Variants in PTPN2 observed in about 807,000 individuals in gnomAD.
The protein encoded by PTPN2 is tyrosine-protein phosphatase non-receptor type 2.
Under a neutral mutation model 57.3 loss-of-function variants are expected in PTPN2, and 19 were observed. That is an observed-to-expected ratio of 0.33 (90% CI 0.23 to 0.49). PTPN2 has a LOEUF of 0.49. Ranked by LOEUF, PTPN2 falls within the 20% of genes least tolerant of loss-of-function variation. The pLI, the probability that PTPN2 is intolerant of heterozygous loss-of-function variation, is 0.99. For missense variants in PTPN2, 358 were observed against 501.1 expected (o/e 0.71, Z 2.73); for synonymous variants, 153 against 164.9 (o/e 0.93, Z 0.55).
intron 2 of PTPN2, among the ~76,000 whole-genome samples, chr18:12,846,666 T>C (rs1308995230): frequency 6.6e-6 from 1 of 152,184 alleles, no homozygotes; most frequent in Middle Eastern, 3.2e-3. Flanking sequence ...AGCTCTATTC[T>C]CCTCCTAGTG....
At chr18:12,812,778 A>C (rs1231710685) in intron 7 of PTPN2, among the ~76,000 whole-genome samples, 9 of 152,184 alleles carry the variant, frequency 5.9e-5, no homozygotes, top group African/African-American at 2.2e-4. Flanking sequence ...TCTGATCCTG[A>C]GTACCTGAAG....
At chr18:12,874,099 CCT>C (rs1398747966) in intron 1 of PTPN2, among the ~76,000 whole-genome samples, 1 of 152,066 alleles carries the variant, frequency 6.6e-6, no homozygotes, top group East Asian at 1.9e-4. Context: ...CGGCAGCCAC[CCT>C]GTCTGGGAAG....
intron 2 of PTPN2, among the ~76,000 whole-genome samples, chr18:12,855,118 A>T (rs952065486): frequency 1.3e-5 from 2 of 152,212 alleles, no homozygotes; most frequent in African/African-American, 4.8e-5. Context: ...ATTGCATTTG[A>T]CAACTACAGC....
chr18:12,802,290 G>T, intron 7 of PTPN2, 139 bp from the exon 8 acceptor site: 1 of 694,310 alleles, frequency 1.4e-6, no homozygotes, highest in South Asian at 2.2e-5. Flanking sequence ...AAAAGAAAAA[G>T]GCATTTTGCC....
intron 4 of PTPN2, among the ~76,000 whole-genome samples, chr18:12,829,021 C>T (rs1256873136): frequency 2.0e-5 from 3 of 152,180 alleles, no homozygotes; most frequent in Non-Finnish European, 4.4e-5. Flanking sequence ...CCTCAGTACC[C>T]CAGGTAGCTG....
intron 4 of PTPN2, among the ~76,000 whole-genome samples, chr18:12,827,360 AT>A (rs1313263504): frequency 6.8e-5 from 10 of 146,416 alleles, no homozygotes; most frequent in South Asian, 2.1e-4. Context: ...AAAAAAAATA[AT>A]AATAATAATA....
intron 2 of PTPN2, among the ~76,000 whole-genome samples, chr18:12,854,360 GAAA>G (rs11460042): frequency 8.4e-6 from 1 of 119,268 alleles, no homozygotes; most frequent in South Asian, 3.2e-4. Flanking sequence ...ACCCTGTCTT[GAAA>G]AAAAAAAAAA....
chr18:12,873,293 C>A (rs186410266), intron 1 of PTPN2, among the ~76,000 whole-genome samples: 16 of 147,802 alleles, frequency 1.1e-4, no homozygotes, highest in African/African-American at 3.8e-4. Context: ...CGTCTCCCCA[C>A]GGTCTCCCTC....
chr18:12,860,054 C>T (rs1598865191), intron 1 of PTPN2, among the ~76,000 whole-genome samples: 1 of 151,730 alleles, frequency 6.6e-6, no homozygotes, highest in Non-Finnish European at 1.5e-5. Flanking sequence ...TTTGGGAGGC[C>T]GAGGCGGGGA....
chr18:12,883,119 C>CG (rs35144771), intron 1 of PTPN2, among the ~76,000 whole-genome samples: 1 of 152,172 alleles, frequency 6.6e-6, no homozygotes, highest in Non-Finnish European at 1.5e-5. Context: ...ACCGTGCCCC[C>CG]GGGGAGGGGA....
At chr18:12,855,883 T>C (rs779146551) in intron 2 of PTPN2, among the ~76,000 whole-genome samples, 35 of 152,218 alleles carry the variant, frequency 2.3e-4, no homozygotes, top group Non-Finnish European at 2.5e-4. Context: ...GACAAAGTAA[T>C]ATGCTTCACT....
chr18:12,858,212 A>G (rs2043661009), intron 2 of PTPN2, among the ~76,000 whole-genome samples: 1 of 152,198 alleles, frequency 6.6e-6, no homozygotes, highest in Admixed American at 6.5e-5. Flanking sequence ...AATCAGTAAC[A>G]AGCAAAAACC....
chr18:12,814,429 C>T, intron 6 of PTPN2, 74 bp from the exon 7 acceptor site: 2 of 1,316,094 alleles, frequency 1.5e-6, no homozygotes, highest in Non-Finnish European at 2.1e-6. Flanking sequence ...AAGATCATTG[C>T]TAAGATTTTT....
At chr18:12,820,159 G>A (rs148233548) in intron 5 of PTPN2, among the ~76,000 whole-genome samples, 2 of 152,106 alleles carry the variant, frequency 1.3e-5, no homozygotes, top group Admixed American at 6.5e-5. Flanking sequence ...TTCAGGTCAC[G>A]CTGTCTGGGA....
intron 6 of PTPN2, among the ~76,000 whole-genome samples, chr18:12,816,381 C>T (rs912237196): frequency 5.9e-5 from 9 of 152,124 alleles, no homozygotes; most frequent in Admixed American, 1.3e-4. Context: ...TCTTAGAACA[C>T]GCTCAGAAAG....
At chr18:12,792,139 G>T, downstream of PTPN2, 6 of 799,668 alleles carry the variant, frequency 7.5e-6, no homozygotes, top group Non-Finnish European at 9.1e-6. Flanking sequence ...TACTGAATCA[G>T]GACACAGGCA....
At chr18:12,882,996 T>C (rs542944903) in intron 1 of PTPN2, among the ~76,000 whole-genome samples, 5 of 152,126 alleles carry the variant, frequency 3.3e-5, no homozygotes, top group African/African-American at 4.8e-5. Context: ...AAAGTTTTGT[T>C]TGAATTAAAA....
intron 7 of PTPN2, among the ~76,000 whole-genome samples, chr18:12,813,100 A>C (rs1373261163): frequency 6.6e-6 from 1 of 152,070 alleles, no homozygotes; most frequent in Non-Finnish European, 1.5e-5. Flanking sequence ...GTCTCATCAC[A>C]GCCAGGAAGC....
chr18:12,851,114 C>G (rs1470876453), intron 2 of PTPN2, among the ~76,000 whole-genome samples: 4 of 152,028 alleles, frequency 2.6e-5, no homozygotes, highest in Non-Finnish European at 5.9e-5. Context: ...CCATGTCAGT[C>G]CTAGAAAAAT....
Sources: gnomAD v4.1 joint callset for allele counts (sites outside exome capture counted in the v4.1 genomes callset) on GRCh38, gnomAD v4.1.1 for gene constraint, MANE v1.5 for transcripts, NCBI Gene and HGNC (gene_info 2026-07-23, HGNC 2026-07-21) for gene names.